SDK1: variants seen among roughly 807,000 people sequenced by gnomAD.
The protein encoded by SDK1 is protein sidekick-1.
Under a neutral mutation model 245.5 loss-of-function variants are expected in SDK1, and 157 were observed. The ratio of observed to expected loss-of-function variants is 0.64; its 90% CI spans 0.56 to 0.73. The LOEUF is 0.73. Ranked by LOEUF, SDK1 falls within the 30% of genes least tolerant of loss-of-function variation. The probability of loss-of-function intolerance (pLI) is 0.00; values close to 1 mark genes in which losing one functional copy is unlikely to be tolerated. For missense variants in SDK1, 3,583 were observed against 3,002.3 expected, an observed-to-expected ratio of 1.19 and a Z score of -4.52; for synonymous variants, 1,647 against 1,278.5, an observed-to-expected ratio of 1.29 and a Z score of -6.15.
At chr7:4,175,623 G>A (rs12154719) in intron 33 of SDK1, 152 bp from the exon 34 acceptor site, 398 of 709,518 alleles carry the variant, frequency 5.6e-4, no homozygotes, top group Admixed American at 8.6e-4. Context: ...AAGCTTGGGC[G>A]GTAGCGGGGT....
chr7:3,915,532 A>G (rs1779343769), intron 5 of SDK1, among the ~76,000 whole-genome samples: 1 of 152,066 alleles, frequency 6.6e-6, no homozygotes. Context: ...TCCCACCTCC[A>G]TGTAAGACAT....
chr7:3,691,628 A>G (rs1784438172), intron 4 of SDK1, among the ~76,000 whole-genome samples: 1 of 81,036 alleles, frequency 1.2e-5, no homozygotes, highest in East Asian at 3.3e-4. Context: ...ACCATGATGC[A>G]TTGTGAACTG....
At position 3,709,943 on chromosome 7, in the gene SDK1, G is replaced by A. The variant is rs116665763; in HGVS notation, c.713+67838G>A. Among the ~76,000 whole-genome samples, 201 of 152,266 alleles carry A rather than the reference G, an allele frequency of 1.3e-3. 1 individual carries two copies. Among genetic ancestry groups the A allele is most frequent in the African/African-American group, 4.6e-3 (193 of 41,538 alleles). ...CACAGGAGCAAAGCACGTGCCAGGT[G>A]CCCCGAGACTTAAATGTTCTCTCTG... is the stretch of plus-strand genomic sequence containing the variant. On this transcript the variant is annotated intron_variant, in intron 4 of 44. Transcript: ENST00000404826.
intron 1 of SDK1, among the ~76,000 whole-genome samples, chr7:3,591,302 A>C (rs1230201405): frequency 6.6e-6 from 1 of 152,176 alleles, no homozygotes; most frequent in Non-Finnish European, 1.5e-5. Context: ...GAAACCTCCC[A>C]GTAGCCCCTT....
intron 1 of SDK1, among the ~76,000 whole-genome samples, chr7:3,399,323 C>T (rs1394674577): frequency 6.6e-6 from 1 of 151,854 alleles, no homozygotes; most frequent in Non-Finnish European, 1.5e-5. Context: ...ATGTCTGTCT[C>T]TTTCTTGACA....
At chr7:3,670,249 C>G (rs1003580973) in intron 4 of SDK1, among the ~76,000 whole-genome samples, 2 of 152,142 alleles carry the variant, frequency 1.3e-5, no homozygotes, top group Admixed American at 6.6e-5. Context: ...TCTGAGTAAC[C>G]AAATCCTTAA....
intron 1 of SDK1, among the ~76,000 whole-genome samples, chr7:3,433,167 G>A (rs184561672): frequency 6.6e-6 from 1 of 152,304 alleles, no homozygotes; most frequent in Non-Finnish European, 1.5e-5. Flanking sequence ...GCAAGTCCAA[G>A]TGAAACCAGA....
intron 1 of SDK1, among the ~76,000 whole-genome samples, chr7:3,380,992 C>G (rs1781473793): frequency 6.6e-6 from 1 of 152,098 alleles, no homozygotes; most frequent in Non-Finnish European, 1.5e-5. Context: ...AAAACAAAAT[C>G]AGAGTTCTGT....
chr7:3,898,981 A>T (rs901593048), intron 5 of SDK1, among the ~76,000 whole-genome samples: 19 of 152,224 alleles, frequency 1.2e-4, no homozygotes, highest in African/African-American at 4.6e-4. Flanking sequence ...TCCCAATTCT[A>T]TAGTAAGGTG....
intron 4 of SDK1, among the ~76,000 whole-genome samples, chr7:3,690,193 C>T (rs762645476): frequency 2.6e-5 from 4 of 152,128 alleles, no homozygotes; most frequent in African/African-American, 7.2e-5. Flanking sequence ...GCGTCACCTA[C>T]CTCATCACGA....
At chr7:4,063,989 CAG>C (rs1357200664) in intron 19 of SDK1, among the ~76,000 whole-genome samples, 2 of 151,936 alleles carry the variant, frequency 1.3e-5, no homozygotes, top group Non-Finnish European at 2.9e-5. Context: ...AAATAAAACA[CAG>C]GGGAAACACT....
At chr7:3,438,601 C>T (rs1265607071) in intron 1 of SDK1, among the ~76,000 whole-genome samples, 4 of 152,152 alleles carry the variant, frequency 2.6e-5, no homozygotes, top group African/African-American at 7.2e-5. Flanking sequence ...TGGTTAAGAA[C>T]ATGGGCTCTG....
intron 1 of SDK1, among the ~76,000 whole-genome samples, chr7:3,471,142 G>C (rs1781170546): frequency 6.6e-6 from 1 of 152,076 alleles, no homozygotes; most frequent in Non-Finnish European, 1.5e-5. Context: ...TCCTTAATTA[G>C]TTTAGGAAAA....
At chr7:4,073,848 C>T (rs371153689) in intron 20 of SDK1, among the ~76,000 whole-genome samples, 50 of 152,224 alleles carry the variant, frequency 3.3e-4, no homozygotes, top group African/African-American at 1.0e-3. Context: ...CTTTTAATGC[C>T]GGTCTTGCAA....
At chr7:4,034,513 AT>A (rs1409548786) in intron 17 of SDK1, among the ~76,000 whole-genome samples, 1 of 152,240 alleles carries the variant, frequency 6.6e-6, no homozygotes, top group Non-Finnish European at 1.5e-5. Flanking sequence ...TTCTTTGTAA[AT>A]TTGAAATATT....
intron 5 of SDK1, among the ~76,000 whole-genome samples, chr7:3,828,166 T>G (rs1308286330): frequency 6.6e-6 from 1 of 151,972 alleles, no homozygotes; most frequent in Non-Finnish European, 1.5e-5. Context: ...TAATCCCAGC[T>G]ACTCAGGAGG....
chr7:3,555,188 C>G (rs1167875139), intron 1 of SDK1, among the ~76,000 whole-genome samples: 2 of 152,122 alleles, frequency 1.3e-5, no homozygotes, highest in Admixed American at 1.3e-4. Context: ...AGTTATACTA[C>G]AGAGCTATAG....
chr7:3,641,517 G>A (rs1007914143), intron 3 of SDK1, among the ~76,000 whole-genome samples: 7 of 152,156 alleles, frequency 4.6e-5, no homozygotes, highest in African/African-American at 1.7e-4. Context: ...CCTCACAAAT[G>A]AAGGAAACAA....
At chr7:3,874,415 T>C (rs1781025852) in intron 5 of SDK1, among the ~76,000 whole-genome samples, 1 of 152,016 alleles carries the variant, frequency 6.6e-6, no homozygotes. Context: ...TGTGTGCAGG[T>C]CATGTGTGTG....
Sources: gnomAD v4.1 joint callset for allele counts (sites outside exome capture counted in the v4.1 genomes callset) on GRCh38, gnomAD v4.1.1 for gene constraint, MANE v1.5 for transcripts, NCBI Gene and HGNC (gene_info 2026-07-23, HGNC 2026-07-21) for gene names.